The following MGAT4C variants were observed in gnomAD, a reference collection of about 807,000 sequenced individuals.
MGAT4C encodes alpha-1,3-mannosyl-glycoprotein 4-beta-N-acetylglucosaminyltransferase C.
A neutral mutation model predicts 40.1 loss-of-function variants in MGAT4C; 19 were observed. The ratio of observed to expected loss-of-function variants is 0.47; its 90% confidence interval spans 0.33 to 0.70. The LOEUF (loss-of-function observed/expected upper bound fraction) is 0.70. Among genes scored for constraint, MGAT4C ranks in the 30% least tolerant of loss-of-function variants. MGAT4C has a pLI of 0.02. For synonymous variants in MGAT4C, 181 were observed against 187.1 expected (o/e 0.97, Z 0.27); for missense variants, 491 against 563.2 (o/e 0.87, Z 1.30).
chr12:86,367,534 T>G (rs1955622247), intron 3 of MGAT4C, among the ~76,000 whole-genome samples: 1 of 152,190 alleles, frequency 6.6e-6, no homozygotes, highest in Admixed American at 6.5e-5. Context: ...GCATGGTGGC[T>G]CACACCGGTA....
In MGAT4C at chr12:86,321,370, A is replaced by C. The variant is rs1954381546; in HGVS notation, c.-57+12695T>G. Among the ~76,000 whole-genome samples, 4 of 152,314 alleles carry C rather than the reference A, an allele frequency of 2.6e-5. No homozygotes were observed. In the South Asian group the frequency reaches 8.3e-4, roughly 32 times the overall value. ...TTTGATTTAATTTAAGTTATGCCAT[A>C]AAATAGATCATTTACACTTGGATGA... On this transcript the variant is annotated intron_variant, in intron 4 of 7. Transcript: ENST00000548651.
At chr12:86,791,263 A>G (rs1952015854) in intron 1 of MGAT4C, among the ~76,000 whole-genome samples, 1 of 152,146 alleles carries the variant, frequency 6.6e-6, no homozygotes, top group Non-Finnish European at 1.5e-5. Flanking sequence ...CAGGCTCAAA[A>G]ACAAAGGAGC....
intron 1 of MGAT4C, among the ~76,000 whole-genome samples, chr12:86,804,127 GA>G (rs1236925906): frequency 6.6e-6 from 1 of 151,454 alleles, no homozygotes; most frequent in Non-Finnish European, 1.5e-5. Context: ...GGACATGGAT[GA>G]AATTGGAAAT....
At chr12:86,237,845 G>T (rs981479750) in intron 1 of MGAT4C, among the ~76,000 whole-genome samples, 11 of 151,838 alleles carry the variant, frequency 7.2e-5, no homozygotes, top group African/African-American at 2.7e-4. Flanking sequence ...TTTATCTTGC[G>T]ATCTTGAAGG....
At chr12:85,988,441 T>C (rs1885501400) in intron 3 of MGAT4C, among the ~76,000 whole-genome samples, 1 of 152,126 alleles carries the variant, frequency 6.6e-6, no homozygotes, top group Non-Finnish European at 1.5e-5. Context: ...TCTCTCTTGT[T>C]AAGACACTAA....
At chr12:86,245,296 G>A (rs1951977294) in intron 1 of MGAT4C, among the ~76,000 whole-genome samples, 1 of 152,108 alleles carries the variant, frequency 6.6e-6, no homozygotes, top group Non-Finnish European at 1.5e-5. Flanking sequence ...CAGTTACTGG[G>A]TCCCAGGTTA....
chr12:86,674,214 A>G (rs1323387690), intron 2 of MGAT4C, among the ~76,000 whole-genome samples: 1 of 152,198 alleles, frequency 6.6e-6, no homozygotes, highest in African/African-American at 2.4e-5. Flanking sequence ...AGATCAAAAT[A>G]TGTACTTTTT....
chr12:86,495,687 A>T (rs1922745), intron 2 of MGAT4C, among the ~76,000 whole-genome samples: 137,546 of 151,994 alleles, frequency 0.9, 62,385 homozygotes, highest in East Asian at 1. Context: ...CGGCCTAATT[A>T]TCCCATAGAA....
Position 85,957,657 on chromosome 12 carries a change from C to CAAAAAAAAAAAAAAAAAAAAAAAA in MGAT4C, c.*21631_*21632insTTTTTTTTTTTTTTTTTTTTTTTT, listed in dbSNP as rs5799763. 1 of 101,302 alleles carries CAAAAAAAAAAAAAAAAAAAAAAAA rather than the reference C, an allele frequency of 9.9e-6. No individual in the cohort carries two copies. Among genetic ancestry groups the CAAAAAAAAAAAAAAAAAAAAAAAA allele is most frequent in the Non-Finnish European group, 1.9e-5 (1 of 52,738 alleles). 6.3% of individuals were successfully genotyped at this position (101,302 alleles called of 1,614,324 possible). A position where few individuals can be genotyped will look rare whatever the true frequency, so the allele number is the denominator to read the frequency against. On this transcript the variant is annotated 3_prime_UTR_variant, in exon 5 of 5. Coordinates refer to ENST00000611864, the MANE Select transcript of MGAT4C (RefSeq NM_001351288.2). ...TTTACTGTAGAGTTGAATAAGAAAG[C>CAAAAAAAAAAAAAAAAAAAAAAAA]AAAAAAAAAAAAAAAAGAAAAAAGA...
At chr12:86,238,431 A>C (rs570612210) in intron 1 of MGAT4C, among the ~76,000 whole-genome samples, 1 of 152,166 alleles carries the variant, frequency 6.6e-6, no homozygotes, top group East Asian at 1.9e-4. Context: ...ATTACAGTAC[A>C]AATGTAGGCA....
At chr12:86,537,226 T>TA (rs1959088307) in intron 2 of MGAT4C, among the ~76,000 whole-genome samples, 1 of 145,334 alleles carries the variant, frequency 6.9e-6, no homozygotes, top group African/African-American at 2.6e-5. Context: ...TGTTGTGGGG[T>TA]GTGGGGAGAG....
chr12:86,755,654 C>T (rs1449603426), intron 1 of MGAT4C, among the ~76,000 whole-genome samples: 1 of 147,904 alleles, frequency 6.8e-6, no homozygotes, highest in African/African-American at 2.5e-5. Context: ...TTCCTACCTT[C>T]CTTTCTTTTC....
chr12:86,544,627 A>G (rs961261908), intron 2 of MGAT4C, among the ~76,000 whole-genome samples: 5 of 152,184 alleles, frequency 3.3e-5, no homozygotes, highest in Non-Finnish European at 7.4e-5. Flanking sequence ...TTTTGCTACA[A>G]TTAAGTACAG....
intron 1 of MGAT4C, among the ~76,000 whole-genome samples, chr12:86,230,869 C>T (rs1165033603): frequency 9.7e-5 from 14 of 145,062 alleles, no homozygotes; most frequent in Admixed American, 2.7e-4. Flanking sequence ...CAAACACTCC[C>T]TTTTTTTTTT....
chr12:86,544,050 A>G (rs1260937028), intron 2 of MGAT4C, among the ~76,000 whole-genome samples: 1 of 152,114 alleles, frequency 6.6e-6, no homozygotes, highest in East Asian at 1.9e-4. Flanking sequence ...AAGCTGTTTC[A>G]CACTTCAGAA....
At chr12:86,724,254 T>G (rs1387774866) in intron 2 of MGAT4C, among the ~76,000 whole-genome samples, 1 of 152,196 alleles carries the variant, frequency 6.6e-6, no homozygotes, top group Non-Finnish European at 1.5e-5. Flanking sequence ...ATTCTTGACT[T>G]CAGGATGCAT....
chr12:86,324,810 T>A (rs981560099), intron 4 of MGAT4C, among the ~76,000 whole-genome samples: 1 of 152,080 alleles, frequency 6.6e-6, no homozygotes, highest in Non-Finnish European at 1.5e-5. Flanking sequence ...TTGGTTTGTA[T>A]GACTCTCAAG....
chr12:86,806,870 C>CG (rs1952366174), intron 1 of MGAT4C, among the ~76,000 whole-genome samples: 1 of 150,238 alleles, frequency 6.7e-6, no homozygotes, highest in Non-Finnish European at 1.5e-5. Context: ...GTGGGGGTAG[C>CG]GGGGGAGGGA....
intron 3 of MGAT4C, among the ~76,000 whole-genome samples, chr12:86,341,120 A>C (rs1215162141): frequency 6.6e-6 from 1 of 152,190 alleles, no homozygotes; most frequent in Non-Finnish European, 1.5e-5. Flanking sequence ...CATTAATCAC[A>C]GAAACAACTT....
Sources: gnomAD v4.1 joint callset for allele counts (sites outside exome capture counted in the v4.1 genomes callset) on GRCh38, gnomAD v4.1.1 for gene constraint, MANE v1.5 for transcripts, NCBI Gene and HGNC (gene_info 2026-07-23, HGNC 2026-07-21) for gene names.